PPFIBP2: variants seen among roughly 807,000 people sequenced by gnomAD.
PPFIBP2 encodes the protein liprin-beta-2.
In PPFIBP2, 118 loss-of-function variants were observed where a neutral mutation model predicts 118.3. That is an observed-to-expected ratio of 1.00 (90% CI 0.86 to 1.16). The LOEUF (loss-of-function observed/expected upper bound fraction) is 1.16, where lower values mean the gene tolerates loss of function less well. Among genes scored for constraint, PPFIBP2 ranks in the 50% most tolerant of loss-of-function variants. The pLI is 0.00. For synonymous variants in PPFIBP2, 414 were observed against 397.4 expected (o/e 1.04, Z -0.50); for missense variants, 1,195 against 1,073.1 (o/e 1.11, Z -1.59).
At position 7,597,675 on chromosome 11, in the gene PPFIBP2, T is replaced by C; in HGVS notation, c.486+2T>C. The C allele has an allele frequency of 6.2e-7, 1 of 1,612,282 alleles. No homozygotes were observed. The highest frequency in any genetic ancestry group is 8.5e-7 in the Non-Finnish European group (1 of 1,178,580). On this transcript the variant is annotated splice_donor_variant, in intron 5 of 23. Coordinates refer to ENST00000299492, the MANE Select transcript of PPFIBP2 (RefSeq NM_003621.5). LOFTEE classifies it high-confidence loss of function. ...GCTGCTGAAGAGATGCTTCAACAGG[T>C]AAGGGCGGGTGCACTGAAGGCCCTT...
At chr11:7,603,888 A>C (rs1473716082) in intron 5 of PPFIBP2, among the ~76,000 whole-genome samples, 1 of 152,184 alleles carries the variant, frequency 6.6e-6, no homozygotes, top group Non-Finnish European at 1.5e-5. Context: ...TTATTTGCAC[A>C]GGGAACCTTC....
chr11:7,664,361 G>T, the PPFIBP2 span, among the ~76,000 whole-genome samples: 1 of 152,206 alleles, frequency 6.6e-6, no homozygotes, highest in Non-Finnish European at 1.5e-5. Context: ...GTAGGCTAGA[G>T]CAGGGTTTCC....
intron 5 of PPFIBP2, among the ~76,000 whole-genome samples, chr11:7,604,505 TACAC>T (rs553542525): frequency 2.1e-3 from 280 of 134,420 alleles, no homozygotes; most frequent in Non-Finnish European, 3.4e-3. Flanking sequence ...CACCCACCCA[TACAC>T]ACAGACACAC....
At chr11:7,606,002 G>T in intron 5 of PPFIBP2, 4 of 1,535,154 alleles carry the variant, frequency 2.6e-6, no homozygotes, top group Non-Finnish European at 3.5e-6. Context: ...TTGAGGAGAC[G>T]GAGTGCGCCT....
chr11:7,652,898 T>C, intron 23 of PPFIBP2, 126 bp from the exon 24 acceptor site: 1 of 1,134,822 alleles, frequency 8.8e-7, no homozygotes. Flanking sequence ...GTTCAGAGTC[T>C]TTCTAGGAGC....
intron 3 of PPFIBP2, among the ~76,000 whole-genome samples, chr11:7,574,249 G>A (rs1856002048): frequency 1.3e-5 from 2 of 152,246 alleles, no homozygotes; most frequent in South Asian, 4.1e-4. Flanking sequence ...GAAGGCCTTC[G>A]GGACTGTTAG....
intron 5 of PPFIBP2, chr11:7,605,766 G>T: frequency 7.3e-7 from 1 of 1,373,364 alleles, no homozygotes; most frequent in Non-Finnish European, 9.3e-7. Flanking sequence ...TGAGCAAGTG[G>T]GACAGATGAA....
At chr11:7,649,073 G>A in intron 19 of PPFIBP2, 74 bp from the exon 20 acceptor site, 1 of 1,455,682 alleles carries the variant, frequency 6.9e-7, no homozygotes, top group Non-Finnish European at 9.5e-7. Context: ...AATATAATTT[G>A]CTCCCCTTTT....
chr11:7,666,728 T>A, the PPFIBP2 span: 33 of 514,460 alleles, frequency 6.4e-5, no homozygotes, highest in Admixed American at 4.7e-4. Flanking sequence ...AAACCCTTTG[T>A]TTTGTGGATG....
intron 4 of PPFIBP2, 90 bp from the exon 5 acceptor site, chr11:7,597,468 GGT>G: frequency 6.5e-7 from 1 of 1,533,680 alleles, no homozygotes; most frequent in Non-Finnish European, 8.9e-7. Context: ...AAGAGTCAGT[GGT>G]GAGATTTAAC....
At chr11:7,554,302 A>G (rs1158890262) in intron 2 of PPFIBP2, among the ~76,000 whole-genome samples, 1 of 152,186 alleles carries the variant, frequency 6.6e-6, no homozygotes, top group Non-Finnish European at 1.5e-5. Flanking sequence ...GAAACAACAC[A>G]GATTCCTACT....
intron 5 of PPFIBP2, among the ~76,000 whole-genome samples, chr11:7,599,725 G>A (rs1238881337): frequency 6.6e-6 from 1 of 151,272 alleles, no homozygotes; most frequent in East Asian, 1.9e-4. Context: ...CCGCCTCCTG[G>A]GTTCACGCCA....
Position 7,650,862 on chromosome 11 carries a change from T to G in PPFIBP2, c.2144T>G (p.Val715Gly), listed in dbSNP as rs200482477. ...ADESNLSPSE[V>G]VQWSNHRVME... ...CAGAGTAACCTTTCTCCTTCAGAAG[T>G]TGTACAGTGGTCCAACCACAGGGTG... The change falls in exon 22 of 24, where the codon GTT becomes GGT. Residue 715 changes from valine (V) to glycine (G), a missense_variant. Coordinates refer to ENST00000299492, the MANE Select transcript of PPFIBP2 (RefSeq NM_003621.5). 21 of 1,614,034 alleles carry G rather than the reference T, an allele frequency of 1.3e-5. No individual in the cohort carries two copies. In the South Asian group the frequency reaches 1.9e-4, roughly 14 times the overall value.
At chr11:7,660,237 G>T (rs1204472630), downstream of PPFIBP2, among the ~76,000 whole-genome samples, 2 of 126,994 alleles carry the variant, frequency 1.6e-5, no homozygotes, top group African/African-American at 2.5e-5. Context: ...CGTTTTCAAA[G>T]GGAATGCTTC....
chr11:7,632,910 T>C lies in PPFIBP2; in HGVS notation c.1112T>C (p.Leu371Ser). Residue 371 changes from leucine to serine, a missense_variant, in exon 12 of 24, where the codon TTG becomes TCG. By Grantham distance (145) the Leu-to-Ser change is moderately radical (BLOSUM62 -2). Transcript: ENST00000299492. ...TCTCCTACAGTGGGGCCACCTCCATTGCCACAGAAATCACTGGAAACCAGG... is the reference window on the plus strand; with the variant it reads ...TCTCCTACAGTGGGGCCACCTCCATCGCCACAGAAATCACTGGAAACCAGG... ...CSSPTVGPPPLPQKSLETRAQ... is the reference protein window; with the variant it reads ...CSSPTVGPPPSPQKSLETRAQ... 1 of 1,613,916 alleles carries C rather than the reference T, an allele frequency of 6.2e-7. No homozygotes were observed. Among genetic ancestry groups the C allele is most frequent in the Non-Finnish European group, 8.5e-7 (1 of 1,179,852 alleles).
At chr11:7,655,124 A>G (rs1854560120), downstream of PPFIBP2, among the ~76,000 whole-genome samples, 2 of 152,154 alleles carry the variant, frequency 1.3e-5, no homozygotes, top group Admixed American at 6.5e-5. Context: ...GGAACATTGA[A>G]CACGTGCAGA....
chr11:7,650,756 G>C (rs1317411477), intron 21 of PPFIBP2, 84 bp from the exon 22 acceptor site: 1 of 1,484,388 alleles, frequency 6.7e-7, no homozygotes, highest in Non-Finnish European at 9.2e-7. Flanking sequence ...CTGGGGCAGG[G>C]TTACTTACCG....
intron 3 of PPFIBP2, among the ~76,000 whole-genome samples, chr11:7,587,641 G>A (rs1473103901): frequency 6.6e-6 from 1 of 152,228 alleles, no homozygotes; most frequent in African/African-American, 2.4e-5. Context: ...TGTGCACACT[G>A]GGTTCATAGC....
At chr11:7,516,203 CAA>C (rs1341452595) in intron 1 of PPFIBP2, among the ~76,000 whole-genome samples, 1 of 152,140 alleles carries the variant, frequency 6.6e-6, no homozygotes, top group Non-Finnish European at 1.5e-5. Context: ...TGGTGGGAAG[CAA>C]ACTCCAAGGG....
Sources: allele counts gnomAD v4.1 joint callset (sites outside exome capture counted in the v4.1 genomes callset), GRCh38; gene constraint gnomAD v4.1.1; transcripts MANE v1.5; gene names NCBI Gene and HGNC (gene_info 2026-07-23, HGNC 2026-07-21).